SDK1: variants seen among roughly 807,000 people sequenced by gnomAD.
SDK1 encodes protein sidekick-1.
SDK1 carries 157 observed loss-of-function variants against 245.5 expected under a neutral mutation model. The observed-to-expected ratio is 0.64, with a 90% confidence interval of 0.56 to 0.73. The LOEUF is 0.73. Among genes scored for constraint, SDK1 ranks in the 30% least tolerant of loss-of-function variants. SDK1 has a pLI of 0.00. For synonymous variants in SDK1, 1,647 were observed against 1,278.5 expected, an observed-to-expected ratio of 1.29 and a Z score of -6.15; for missense variants, 3,583 against 3,002.3, an observed-to-expected ratio of 1.19 and a Z score of -4.52.
At chr7:3,970,193 T>C (rs926590844) in intron 11 of SDK1, among the ~76,000 whole-genome samples, 1 of 152,206 alleles carries the variant, frequency 6.6e-6, no homozygotes, top group Non-Finnish European at 1.5e-5. Flanking sequence ...TCTATCTACA[T>C]GAGGAGAGAA....
At chr7:3,740,667 C>G (rs529934138) in intron 4 of SDK1, among the ~76,000 whole-genome samples, 12 of 152,236 alleles carry the variant, frequency 7.9e-5, no homozygotes, top group African/African-American at 2.9e-4. Context: ...TCCTGTGGAA[C>G]TAGTGGAAGG....
In SDK1 at chr7:4,237,800, C is replaced by T. The variant is rs1482515883; in HGVS notation, c.6130+16C>T. The stretch of plus-strand genomic sequence containing the variant: ...TGCAGCACAGGTGCAGGTCCAGCCC[C>T]TTCCTCGCGTGTCCCACGATGCCAC... On this transcript the variant is annotated intron_variant, in intron 42 of 44. Coordinates refer to ENST00000404826, the MANE Select transcript of SDK1 (RefSeq NM_152744.4). The T allele has an allele frequency of 6.2e-7, 1 of 1,613,604 alleles. No individual in the cohort carries two copies. The highest frequency in any genetic ancestry group is 2.2e-5 in the East Asian group (1 of 44,850).
chr7:3,930,652 G>C (rs533949167), intron 5 of SDK1, among the ~76,000 whole-genome samples: 2 of 152,232 alleles, frequency 1.3e-5, no homozygotes, highest in East Asian at 3.9e-4. Flanking sequence ...AATTAGCCAC[G>C]CATGGTGGCA....
intron 5 of SDK1, among the ~76,000 whole-genome samples, chr7:3,923,404 G>A (rs528237833): frequency 1.3e-5 from 2 of 152,328 alleles, no homozygotes; most frequent in South Asian, 4.1e-4. Context: ...TTGTTACGGG[G>A]CTAAAGGAAT....
chr7:3,776,685 A>G (rs1005528838), intron 4 of SDK1, among the ~76,000 whole-genome samples: 2 of 152,204 alleles, frequency 1.3e-5, no homozygotes, highest in East Asian at 3.8e-4. Context: ...CCACTAGGAA[A>G]AAGAAAAGAA....
chr7:3,578,076 T>A (rs1033171423), intron 1 of SDK1, among the ~76,000 whole-genome samples: 1 of 152,030 alleles, frequency 6.6e-6, no homozygotes, highest in Non-Finnish European at 1.5e-5. Context: ...ATATTTTCTC[T>A]CTCTAATTTG....
At chr7:4,112,906 A>G (rs558122546) in intron 23 of SDK1, among the ~76,000 whole-genome samples, 1 of 152,144 alleles carries the variant, frequency 6.6e-6, no homozygotes, top group East Asian at 1.9e-4. Context: ...GGCACCCGCC[A>G]CCACGCCTGG....
chr7:4,196,799 A>C (rs1464931498), intron 35 of SDK1, among the ~76,000 whole-genome samples: 1 of 152,244 alleles, frequency 6.6e-6, no homozygotes, highest in Non-Finnish European at 1.5e-5. Context: ...CTCATGAGCC[A>C]GTGCTTCTCA....
intron 34 of SDK1, 134 bp downstream of exon 34, chr7:4,175,968 C>T (rs34933239): frequency 1.3e-5 from 9 of 714,012 alleles, no homozygotes; most frequent in East Asian, 2.7e-5. Context: ...TCAAACGCTG[C>T]GTCTCCACAT....
In SDK1 at chr7:4,102,137, G is replaced by A. The variant is rs538991231; in HGVS notation, c.3325-8526G>A. 3.9e-5 allele frequency among the ~76,000 whole-genome samples: 6 copies of A among 152,302 alleles called. No individual in the cohort carries two copies. In the East Asian group the frequency reaches 5.8e-4, roughly 15 times the overall value. On this transcript the variant is annotated intron_variant, in intron 22 of 44. Coordinates refer to ENST00000404826, the MANE Select transcript of SDK1 (RefSeq NM_152744.4). ...GGAGTGAAGATAAACGCAGCACAGC[G>A]TCGAGTCCCCTGCCGGCTTATGAGG... is the stretch of plus-strand genomic sequence containing the variant.
chr7:3,941,738 A>C (rs1780375072), intron 5 of SDK1, among the ~76,000 whole-genome samples: 1 of 151,962 alleles, frequency 6.6e-6, no homozygotes, highest in Non-Finnish European at 1.5e-5. Context: ...TCCTCCACCA[A>C]ACTCGAACCT....
At chr7:3,744,774 T>C (rs1779570950) in intron 4 of SDK1, among the ~76,000 whole-genome samples, 1 of 150,932 alleles carries the variant, frequency 6.6e-6, no homozygotes, top group South Asian at 2.1e-4. Context: ...ATCACACCAA[T>C]GCACTCCAGC....
At chr7:3,462,991 T>C (rs1229313378) in intron 1 of SDK1, among the ~76,000 whole-genome samples, 1 of 152,164 alleles carries the variant, frequency 6.6e-6, no homozygotes, top group Non-Finnish European at 1.5e-5. Flanking sequence ...ATTTGGCAGC[T>C]CCCCCGTGTG....
At chr7:3,925,493 G>A (rs889675643) in intron 5 of SDK1, among the ~76,000 whole-genome samples, 17 of 152,114 alleles carry the variant, frequency 1.1e-4, no homozygotes, top group Non-Finnish European at 2.4e-4. Context: ...ATCTCTCGTC[G>A]CCAAACTAAG....
intron 4 of SDK1, among the ~76,000 whole-genome samples, chr7:3,694,569 T>C (rs1046433582): frequency 1.6e-5 from 1 of 62,008 alleles, no homozygotes; most frequent in Non-Finnish European, 3.9e-5. Flanking sequence ...AGAATGTATT[T>C]ATGTTGGTGG....
intron 1 of SDK1, among the ~76,000 whole-genome samples, chr7:3,606,005 G>C (rs1190467962): frequency 6.6e-6 from 1 of 151,812 alleles, no homozygotes; most frequent in East Asian, 1.9e-4. Context: ...TGTTAATTTT[G>C]CATTTTTGTG....
intron 4 of SDK1, among the ~76,000 whole-genome samples, chr7:3,716,692 A>G (rs1012405297): frequency 6.6e-6 from 1 of 151,530 alleles, no homozygotes; most frequent in Non-Finnish European, 1.5e-5. Flanking sequence ...CCAGGAGGTC[A>G]GTGCTGCAGT....
chr7:3,372,742 A>T (rs995047792), intron 1 of SDK1, among the ~76,000 whole-genome samples: 2 of 152,200 alleles, frequency 1.3e-5, no homozygotes, highest in Non-Finnish European at 2.9e-5. Context: ...GAAAAAGTTA[A>T]TGCCAGCCCA....
intron 4 of SDK1, among the ~76,000 whole-genome samples, chr7:3,763,646 A>G (rs755947363): frequency 1.2e-4 from 18 of 152,354 alleles, no homozygotes; most frequent in African/African-American, 3.8e-4. Context: ...AATATTGAAC[A>G]TAAAACACAT....
Sources: allele counts gnomAD v4.1 joint callset (sites outside exome capture counted in the v4.1 genomes callset), GRCh38; gene constraint gnomAD v4.1.1; transcripts MANE v1.5; gene names NCBI Gene and HGNC (gene_info 2026-07-23, HGNC 2026-07-21).